The following PGLYRP4 variants were observed in gnomAD, a reference collection of about 807,000 sequenced individuals.
PGLYRP4 encodes peptidoglycan recognition protein 4, also known as PGRP-I-beta.
Under a neutral mutation model 41.2 loss-of-function variants are expected in PGLYRP4, and 39 were observed. The ratio of observed to expected loss-of-function variants is 0.95; its 90% confidence interval spans 0.73 to 1.24. The LOEUF is 1.24. PGLYRP4 is among the 50% of genes most tolerant of loss of function. The pLI is 0.00. For missense variants in PGLYRP4, 467 were observed against 460.7 expected (o/e 1.01, Z -0.13); for synonymous variants, 202 against 186.8 (o/e 1.08, Z -0.66).
At chr1:153,338,252 C>T (rs1660651137) in intron 7 of PGLYRP4, among the ~76,000 whole-genome samples, 1 of 152,190 alleles carries the variant, frequency 6.6e-6, no homozygotes, top group Admixed American at 6.5e-5. Flanking sequence ...TGATGTCTCC[C>T]AACTACACTC....
Position 153,343,139 on chromosome 1 carries a change from T to C in PGLYRP4, c.423A>G (p.Gln141=). 6.2e-7 allele frequency: 1 copy of C among 1,613,990 alleles called. No homozygotes were observed. The highest frequency in any genetic ancestry group is 8.5e-7 in the Non-Finnish European group (1 of 1,179,858). The change falls in exon 5 of 9, where the codon CAA becomes CAG. Residue 141 remains glutamine, a synonymous_variant. Coordinates refer to ENST00000359650, the MANE Select transcript of PGLYRP4 (RefSeq NM_020393.4). ...AGCCCAGGGAGATGTTGTTGTAGCC[T>C]TGGGTGTGCACTCCTTGGATATTCC... ...VGWNIQGVHT[Q]GYNNISLGFA...
Position 153,345,210 on chromosome 1 carries a change from G to A in PGLYRP4, c.312C>T (p.Ala104=). 6.2e-7 allele frequency: 1 copy of A among 1,613,688 alleles called. No homozygotes were observed. Among genetic ancestry groups the A allele is most frequent in the South Asian group, 1.1e-5 (1 of 91,082 alleles). ...ACCCACTGTTGTTGTGGACATGATG[G>A]GCCTGCAGTTCCCGCAGTCTCTGGC... ...VCSQRLRELQ[A]HHVHNNSGCD... Residue 104 remains alanine, a synonymous_variant, in exon 4 of 9, where the codon GCC becomes GCT. Coordinates refer to ENST00000359650, the MANE Select transcript of PGLYRP4 (RefSeq NM_020393.4).
Position 153,341,633 on chromosome 1 carries a change from T to G in PGLYRP4, c.619A>C (p.Lys207Gln), listed in dbSNP as rs770325753. The change falls in exon 6 of 9, where the codon AAG becomes CAG. Residue 207 changes from lysine to glutamine, a missense_variant. Coordinates refer to ENST00000359650, the MANE Select transcript of PGLYRP4 (RefSeq NM_020393.4). ...GGCTGAAGAAAGGTCTTACCCTTCT[T>G]CAGGCTTGTCTTCTGCCGAGGGGCC... Reference protein sequence around the residue: ...CLAPRQKTSLKKACPGVVPRS... With the variant: ...CLAPRQKTSLQKACPGVVPRS... 3 of 1,611,972 alleles carry G rather than the reference T, an allele frequency of 1.9e-6. No individual in the cohort carries two copies. Among genetic ancestry groups the G allele is most frequent in the Non-Finnish European group, 1.7e-6 (2 of 1,179,422 alleles).
intron 3 of PGLYRP4, among the ~76,000 whole-genome samples, chr1:153,345,862 G>A (rs1660989246): frequency 6.6e-6 from 1 of 152,162 alleles, no homozygotes; most frequent in African/African-American, 2.4e-5. Flanking sequence ...CCTCCACAGG[G>A]AGTCCCTGTC....
At chr1:153,336,041 C>T (rs1460359791) in intron 8 of PGLYRP4, among the ~76,000 whole-genome samples, 3 of 40,872 alleles carry the variant, frequency 7.3e-5, no homozygotes, top group African/African-American at 3.5e-4. Flanking sequence ...AGGTAGGGTG[C>T]GTGCGTGTGT....
chr1:153,341,499 T>C lies in PGLYRP4; in HGVS notation c.625+128A>G, dbSNP rs1257438546. The C allele has an allele frequency of 3.7e-6, 3 of 807,902 alleles. No homozygotes were observed. In the African/African-American group the frequency reaches 5.2e-5, roughly 14 times the overall value. The allele number at this position is 807,902 out of a possible 1,614,324, so 50.0% of individuals were successfully genotyped here. A position where few individuals can be genotyped will look rare whatever the true frequency, so the allele number is the denominator to read the frequency against. Reference sequence around the variant, plus strand: ...TTGCCAGCCCCAAGAGTTCAGAGAGTTGGGTGGCCAGTTGCCTTCCAGAAG... The same window carrying C: ...TTGCCAGCCCCAAGAGTTCAGAGAGCTGGGTGGCCAGTTGCCTTCCAGAAG... On this transcript the variant is annotated intron_variant, in intron 6 of 8. Coordinates refer to ENST00000359650, the MANE Select transcript of PGLYRP4 (RefSeq NM_020393.4).
chr1:153,347,077 G>A (rs546598608), intron 2 of PGLYRP4, among the ~76,000 whole-genome samples: 2 of 148,260 alleles, frequency 1.3e-5, no homozygotes, highest in Admixed American at 1.3e-4. Context: ...TTTGTTTTTT[G>A]TTTGTTTGTT....
In PGLYRP4 at chr1:153,340,377, T is replaced by G. The variant is rs946082794; in HGVS notation, c.824+4A>C. 1.2e-6 allele frequency: 2 copies of G among 1,613,590 alleles called. No individual in the cohort carries two copies. Among genetic ancestry groups the G allele is most frequent in the Non-Finnish European group, 1.7e-6 (2 of 1,179,636 alleles). ...AGAAGCCCAGTGTACCCAGACCCAC[T>G]CACTTATAACCAATGTCGCATGACT... On this transcript the variant is annotated splice_donor_region_variant and intron_variant, in intron 7 of 8. Coordinates refer to ENST00000359650, the MANE Select transcript of PGLYRP4 (RefSeq NM_020393.4).
rs1428599604 is a variant in PGLYRP4 at position 153,340,563 on chromosome 1, G to A, written c.642C>T (p.Val214=). 3 of 1,613,968 alleles carry A rather than the reference G, an allele frequency of 1.9e-6. No individual in the cohort carries two copies. Among genetic ancestry groups the A allele is most frequent in the Middle Eastern group, 1.7e-4 (1 of 6,038 alleles). ...CCCTGGCTCCCCACACAGACCGTGG[G>A]ACAACGCCGGGGCAAGCTGAGGTGG... The part of the protein sequence containing the change: ...TSLKKACPGV[V]PRSVWGARET... The change falls in exon 7 of 9, where the codon GTC becomes GTT. Residue 214 remains valine, a synonymous_variant. Coordinates refer to ENST00000359650, the MANE Select transcript of PGLYRP4 (RefSeq NM_020393.4).
At chr1:153,342,872 C>T (rs1344699875) in intron 5 of PGLYRP4, among the ~76,000 whole-genome samples, 2 of 152,150 alleles carry the variant, frequency 1.3e-5, no homozygotes, top group African/African-American at 4.8e-5. Context: ...AGCCTGTTTA[C>T]AGGGGTTGAG....
chr1:153,334,414 T>C (rs1276762742), intron 8 of PGLYRP4, among the ~76,000 whole-genome samples: 2 of 148,118 alleles, frequency 1.4e-5, no homozygotes, highest in Non-Finnish European at 3.0e-5. Context: ...TCCTGATATA[T>C]ATATATGTAT....
intron 5 of PGLYRP4, among the ~76,000 whole-genome samples, chr1:153,342,127 AT>A (rs1660828702): frequency 2.0e-5 from 3 of 152,320 alleles, no homozygotes; most frequent in African/African-American, 7.2e-5. Context: ...TTTGCCTACA[AT>A]AACTCATTTA....
intron 6 of PGLYRP4, 76 bp from the exon 7 acceptor site, chr1:153,340,655 T>C (rs1351336562): frequency 2.7e-6 from 4 of 1,455,104 alleles, no homozygotes; most frequent in South Asian, 1.2e-5. Flanking sequence ...TAGGCTGATA[T>C]AATGCTCAGG....
rs1436886705 is a variant in PGLYRP4, at chr1:153,345,381, G to A, written c.141C>T (p.Gly47=). The change falls in exon 4 of 9, where the codon GGC becomes GGT. Residue 47 remains glycine, a splice_region_variant and synonymous_variant. Transcript: ENST00000359650. The stretch of plus-strand genomic sequence containing the variant: ...CCGTGGTGGAGACATCTGTGGGAAG[G>A]CCTTGGGGACGTCACTCAGCGCACC... ...FENISQLTEK[G]LPTDVSTTVS... 1.2e-6 allele frequency: 2 copies of A among 1,613,866 alleles called. No individual in the cohort carries two copies. The highest frequency in any genetic ancestry group is 1.7e-6 in the Non-Finnish European group (2 of 1,179,786).
chr1:153,343,230 G>T lies in PGLYRP4; in HGVS notation c.354-22C>A, dbSNP rs760529774. On this transcript the variant is annotated intron_variant, in intron 4 of 8. Transcript: ENST00000359650. ...GAAGCTATGGAGCAAGATAATACAG[G>T]TTTCATGGCTGGCACTGTAGGACAT... The T allele has an allele frequency of 5.2e-6, 8 of 1,527,948 alleles. No homozygotes were observed. In the South Asian group the frequency reaches 6.7e-5, roughly 13 times the overall value. 94.6% of individuals were successfully genotyped at this position (1,527,948 alleles called of 1,614,324 possible).
chr1:153,347,897 A>C lies in PGLYRP4; in HGVS notation c.36T>G (p.Gly12=), dbSNP rs749601481. The C allele has an allele frequency of 1.9e-6, 3 of 1,613,170 alleles. No individual in the cohort carries two copies. The highest frequency in any genetic ancestry group is 2.5e-6 in the Non-Finnish European group (3 of 1,179,320). Residue 12 remains glycine (G), a synonymous_variant, in exon 2 of 9, where the codon GGT becomes GGG. Coordinates refer to ENST00000359650, the MANE Select transcript of PGLYRP4 (RefSeq NM_020393.4). ...LPWLLVFSAL[G]IQAWGDSSWN... is the part of the protein sequence containing the mutation. ...AAGAAAACTTACCCCAGGCCTGGAT[A>C]CCCAGAGCAGAGAAGACAAGAAGCC...
At chr1:153,344,826 G>A (rs1395337460) in intron 4 of PGLYRP4, among the ~76,000 whole-genome samples, 1 of 152,176 alleles carries the variant, frequency 6.6e-6, no homozygotes, top group Non-Finnish European at 1.5e-5. Context: ...CCAGGGCAAA[G>A]AGATGGTGAC....
At chr1:153,336,745 A>C (rs1427370186) in intron 8 of PGLYRP4, among the ~76,000 whole-genome samples, 1 of 152,168 alleles carries the variant, frequency 6.6e-6, no homozygotes, top group Non-Finnish European at 1.5e-5. Flanking sequence ...TGAAAAAAAA[A>C]GTAAAATAGA....
rs541974772 is a variant in PGLYRP4, at chr1:153,335,986, G to A, written c.943+1195C>T. Among the ~76,000 whole-genome samples the A allele has an allele frequency of 3.4e-4, 51 of 152,162 alleles. No homozygotes were observed. In the South Asian group the frequency reaches 7.0e-3, roughly 21 times the overall value. ...CAACACTATTCATAATAGCAAAGGCGTTGAATCACTTCAATGTCCATCAAT... is the reference window on the plus strand; with the variant it reads ...CAACACTATTCATAATAGCAAAGGCATTGAATCACTTCAATGTCCATCAAT... On this transcript the variant is annotated intron_variant, in intron 8 of 8. Coordinates refer to ENST00000359650, the MANE Select transcript of PGLYRP4 (RefSeq NM_020393.4).
Sources: gnomAD v4.1 joint callset for allele counts (sites outside exome capture counted in the v4.1 genomes callset) on GRCh38, gnomAD v4.1.1 for gene constraint, MANE v1.5 for transcripts, NCBI Gene and HGNC (gene_info 2026-07-23, HGNC 2026-07-21) for gene names.